The following FCHSD2 variants were observed in gnomAD, a reference collection of about 807,000 sequenced individuals.
FCHSD2 encodes FCH and double SH3 domains 2.
FCHSD2 carries 38 observed loss-of-function variants against 108.1 expected under a neutral mutation model. The observed-to-expected ratio is 0.35, with a 90% CI of 0.27 to 0.46. The LOEUF is 0.46. Among genes scored for constraint, FCHSD2 ranks in the 20% least tolerant of loss-of-function variants. The probability of loss-of-function intolerance (pLI) is 1.00; values close to 1 mark genes in which losing one functional copy is unlikely to be tolerated. For synonymous variants in FCHSD2, 279 were observed against 314.7 expected (o/e 0.89, Z 1.20); for missense variants, 751 against 897.8 (o/e 0.84, Z 2.09).
At chr11:73,061,016 C>T (rs1859146772) in intron 3 of FCHSD2, among the ~76,000 whole-genome samples, 2 of 152,206 alleles carry the variant, frequency 1.3e-5, no homozygotes, top group African/African-American at 4.8e-5. Flanking sequence ...GCAAGGATTG[C>T]TGGCAAGATG....
At chr11:73,064,901 G>A (rs746266455) in intron 3 of FCHSD2, among the ~76,000 whole-genome samples, 3 of 152,128 alleles carry the variant, frequency 2.0e-5, no homozygotes, top group Non-Finnish European at 2.9e-5. Context: ...GGACCAGACC[G>A]ATTCACAGCC....
At chr11:73,122,318 C>CA (rs1207737660) in intron 2 of FCHSD2, among the ~76,000 whole-genome samples, 4 of 152,188 alleles carry the variant, frequency 2.6e-5, no homozygotes, top group Admixed American at 6.5e-5. Context: ...ATTAGAGACT[C>CA]AGACTACCAG....
At chr11:72,931,188 G>C (rs975027516) in intron 8 of FCHSD2, among the ~76,000 whole-genome samples, 2 of 149,398 alleles carry the variant, frequency 1.3e-5, no homozygotes, top group East Asian at 3.9e-4. Context: ...TCTGCCTCCC[G>C]GGTTCAAGTG....
At chr11:72,937,477 C>G (rs1156280200) in intron 8 of FCHSD2, among the ~76,000 whole-genome samples, 1 of 152,146 alleles carries the variant, frequency 6.6e-6, no homozygotes, top group Non-Finnish European at 1.5e-5. Flanking sequence ...GTATTCCTTA[C>G]ATTGACATTT....
chr11:73,099,242 C>T, intron 2 of FCHSD2, among the ~76,000 whole-genome samples: 1 of 152,052 alleles, frequency 6.6e-6, no homozygotes, highest in East Asian at 1.9e-4. Context: ...TGAGGTACTA[C>T]TTCCTACCCA....
At chr11:73,124,964 G>A (rs1860819936) in intron 2 of FCHSD2, among the ~76,000 whole-genome samples, 1 of 152,176 alleles carries the variant, frequency 6.6e-6, no homozygotes, top group South Asian at 2.1e-4. Flanking sequence ...ATAAGTAAGA[G>A]CTAACTTCTC....
At chr11:73,024,174 C>G (rs1175009156) in intron 3 of FCHSD2, among the ~76,000 whole-genome samples, 1 of 151,964 alleles carries the variant, frequency 6.6e-6, no homozygotes, top group Non-Finnish European at 1.5e-5. Flanking sequence ...TAAAAAAAAT[C>G]TACCAGTGGT....
At chr11:73,042,253 CAG>C (rs1311235520) in intron 3 of FCHSD2, among the ~76,000 whole-genome samples, 2 of 152,076 alleles carry the variant, frequency 1.3e-5, no homozygotes, top group African/African-American at 4.8e-5. Context: ...TGGTGAAAGA[CAG>C]GGGTCATTCT....
At chr11:73,041,532 T>G (rs573688174) in intron 3 of FCHSD2, among the ~76,000 whole-genome samples, 8 of 152,336 alleles carry the variant, frequency 5.3e-5, no homozygotes, top group African/African-American at 1.9e-4. Context: ...ATGTCTTTTT[T>G]TGAGAAATGT....
intron 12 of FCHSD2, chr11:72,869,420 G>A (rs1487432272): frequency 1.3e-5 from 2 of 151,468 alleles, no homozygotes; most frequent in Non-Finnish European, 2.9e-5. Context: ...AGAAGGGAAA[G>A]AGAGGGTTGG....
Position 72,988,044 on chromosome 11 carries a change from G to A in FCHSD2, c.521+920C>T, listed in dbSNP as rs190633612. 2.0e-5 allele frequency among the ~76,000 whole-genome samples: 3 copies of A among 152,328 alleles called. No individual in the cohort carries two copies. In the East Asian group the frequency reaches 5.8e-4, roughly 29 times the overall value. ...GCCCTTGATAAACCGCGGAGCCCCT[G>A]AATTTTCACAAGTTGCTTATAAGGT... On this transcript the variant is annotated intron_variant, in intron 6 of 19. Coordinates refer to ENST00000409418, the MANE Select transcript of FCHSD2 (RefSeq NM_014824.3).
intron 8 of FCHSD2, among the ~76,000 whole-genome samples, chr11:72,968,582 A>G (rs2135381831): frequency 6.6e-6 from 1 of 152,358 alleles, no homozygotes; most frequent in African/African-American, 2.4e-5. Flanking sequence ...ACATATTTCC[A>G]ATTATGCTGA....
intron 4 of FCHSD2, among the ~76,000 whole-genome samples, chr11:73,001,487 A>C (rs1225619369): frequency 6.6e-6 from 1 of 152,196 alleles, no homozygotes; most frequent in East Asian, 1.9e-4. Flanking sequence ...TTACTTCATT[A>C]AGTTATTTTC....
chr11:73,017,014 A>G (rs562871397), intron 3 of FCHSD2, among the ~76,000 whole-genome samples: 2 of 152,236 alleles, frequency 1.3e-5, no homozygotes, highest in South Asian at 4.1e-4. Flanking sequence ...ACAAGGCCTC[A>G]TTCCAATGCC....
intron 2 of FCHSD2, among the ~76,000 whole-genome samples, chr11:73,088,986 C>T (rs182512810): frequency 1.3e-5 from 2 of 152,124 alleles, no homozygotes; most frequent in Non-Finnish European, 2.9e-5. Flanking sequence ...ATGTGCATAT[C>T]AACTAATTTA....
intron 9 of FCHSD2, among the ~76,000 whole-genome samples, chr11:72,914,560 T>G (rs925284497): frequency 1.3e-5 from 2 of 151,748 alleles, no homozygotes; most frequent in African/African-American, 4.8e-5. Flanking sequence ...TGAAACAGAA[T>G]AGAGAACCCA....
At chr11:72,956,667 T>C (rs896803578) in intron 8 of FCHSD2, among the ~76,000 whole-genome samples, 1 of 152,220 alleles carries the variant, frequency 6.6e-6, no homozygotes, top group Non-Finnish European at 1.5e-5. Context: ...TCTCTGGGAC[T>C]TCTTTTATAA....
At chr11:72,893,533 T>C in intron 10 of FCHSD2, among the ~76,000 whole-genome samples, 1 of 151,978 alleles carries the variant, frequency 6.6e-6, no homozygotes, top group Non-Finnish European at 1.5e-5. Context: ...CTAGGCCATC[T>C]CAAACTCCTG....
chr11:72,842,990 T>C (rs1861008111), intron 16 of FCHSD2, 149 bp from the exon 17 acceptor site: 2 of 867,112 alleles, frequency 2.3e-6, no homozygotes, highest in Non-Finnish European at 3.5e-6. Context: ...AATGATTAAC[T>C]TTAGGGTTCT....
Sources: allele counts gnomAD v4.1 joint callset (sites outside exome capture counted in the v4.1 genomes callset), GRCh38; gene constraint gnomAD v4.1.1; transcripts MANE v1.5; gene names NCBI Gene and HGNC (gene_info 2026-07-23, HGNC 2026-07-21).